The following DLG2 variants were observed in gnomAD, a reference collection of about 807,000 sequenced individuals.
DLG2 encodes discs large MAGUK scaffold protein 2, also known as disks large homolog 2.
DLG2 carries 45 observed loss-of-function variants against 132.5 expected under a neutral mutation model. That is an observed-to-expected ratio of 0.34 (90% confidence interval 0.27 to 0.44). The LOEUF is 0.44. DLG2 is among the 20% of genes least tolerant of loss of function. The probability of loss-of-function intolerance (pLI) is 1.00; values close to 1 mark genes in which losing one functional copy is unlikely to be tolerated. For missense variants in DLG2, 1,045 were observed against 1,196.9 expected, an observed-to-expected ratio of 0.87 and a Z score of 1.87; for synonymous variants, 424 against 419.6, an observed-to-expected ratio of 1.01 and a Z score of -0.13.
At chr11:85,228,527 TCA>T (rs2075108197) in intron 4 of DLG2, among the ~76,000 whole-genome samples, 1 of 152,094 alleles carries the variant, frequency 6.6e-6, no homozygotes, top group African/African-American at 2.4e-5. Flanking sequence ...CACCAAGGGT[TCA>T]AGATATCTGA....
chr11:84,078,511 T>G (rs2154152356), intron 10 of DLG2, among the ~76,000 whole-genome samples: 1 of 152,282 alleles, frequency 6.6e-6, no homozygotes, highest in East Asian at 1.9e-4. Flanking sequence ...ATAGCAGAAT[T>G]TAGGACGGTT....
chr11:84,617,655 C>T lies in DLG2; in HGVS notation c.358-82924G>A, dbSNP rs532090420. On this transcript the variant is annotated intron_variant, in intron 6 of 27. Coordinates refer to ENST00000376104, the MANE Select transcript of DLG2 (RefSeq NM_001142699.3). ...ATCCTCTCCAGCATCTGTTGCTTCC[C>T]TTTTTTTTATGTTTTCATTCATTCA... Among the ~76,000 whole-genome samples the T allele has an allele frequency of 6.6e-5, 10 of 151,930 alleles. No individual in the cohort carries two copies. The South Asian group carries it at 1.7e-3, about 25-fold the overall frequency.
chr11:85,494,536 C>CT (rs1466703500), intron 3 of DLG2, among the ~76,000 whole-genome samples: 1 of 151,508 alleles, frequency 6.6e-6, no homozygotes, highest in Non-Finnish European at 1.5e-5. Context: ...TTTGGAGTGG[C>CT]TTTTTTTTAA....
At chr11:85,022,073 A>G (rs2060123549) in intron 6 of DLG2, among the ~76,000 whole-genome samples, 1 of 152,086 alleles carries the variant, frequency 6.6e-6, no homozygotes, top group Non-Finnish European at 1.5e-5. Context: ...AAAATTAAAC[A>G]CTTAGTCATA....
intron 8 of DLG2, among the ~76,000 whole-genome samples, chr11:84,188,980 A>T (rs182974089): frequency 5.3e-5 from 8 of 152,322 alleles, no homozygotes; most frequent in African/African-American, 1.4e-4. Context: ...AATGAAGCCC[A>T]TTAACTAATA....
intron 3 of DLG2, among the ~76,000 whole-genome samples, chr11:85,399,594 T>C (rs1019973747): frequency 6.6e-6 from 1 of 152,016 alleles, no homozygotes. Flanking sequence ...TATAGATCAA[T>C]GGAATAGAAC....
chr11:83,525,726 G>A (rs539058305), intron 21 of DLG2, among the ~76,000 whole-genome samples: 2 of 152,210 alleles, frequency 1.3e-5, no homozygotes, highest in South Asian at 2.1e-4. Context: ...CTGGACATTT[G>A]AGATCTTTGC....
chr11:85,568,613 C>T (rs2077666658), intron 3 of DLG2, among the ~76,000 whole-genome samples: 1 of 152,014 alleles, frequency 6.6e-6, no homozygotes, highest in South Asian at 2.1e-4. Flanking sequence ...TCACTCTATC[C>T]AAATATTTCC....
At chr11:83,927,385 T>G (rs2079176964) in intron 15 of DLG2, among the ~76,000 whole-genome samples, 1 of 152,174 alleles carries the variant, frequency 6.6e-6, no homozygotes, top group East Asian at 1.9e-4. Flanking sequence ...GGGGCCTGAT[T>G]TTCTGTTTTA....
chr11:84,433,418 C>T (rs192694844), intron 7 of DLG2, among the ~76,000 whole-genome samples: 11 of 152,160 alleles, frequency 7.2e-5, no homozygotes, highest in Non-Finnish European at 1.3e-4. Flanking sequence ...TAAGTTGAAA[C>T]GTGACAACAG....
At position 84,361,173 on chromosome 11, in the gene DLG2, C is replaced by A. The variant is rs1225177408; in HGVS notation, c.520-109882G>T. On this transcript the variant is annotated intron_variant, in intron 7 of 27. Transcript: ENST00000376104. ...GAAAGTGGGAGGGAAAATAAAAACA[C>A]TATTTAAAGAAATAATGACCAATAG... is the stretch of plus-strand genomic sequence containing the variant. Among the ~76,000 whole-genome samples the A allele has an allele frequency of 2.0e-5, 3 of 151,824 alleles. No individual in the cohort carries two copies. The South Asian group carries it at 6.2e-4, about 31-fold the overall frequency.
chr11:84,466,005 A>C (rs1263808191), intron 7 of DLG2, among the ~76,000 whole-genome samples: 1 of 151,278 alleles, frequency 6.6e-6, no homozygotes, highest in Non-Finnish European at 1.5e-5. Flanking sequence ...TTGAATACAG[A>C]AATAAGGTTG....
intron 17 of DLG2, among the ~76,000 whole-genome samples, chr11:83,823,637 C>A (rs2051512021): frequency 6.7e-6 from 1 of 148,800 alleles, no homozygotes; most frequent in African/African-American, 2.6e-5. Context: ...GAGAAGTGGG[C>A]AAAGATGAGT....
intron 6 of DLG2, among the ~76,000 whole-genome samples, chr11:84,839,463 T>C (rs191468305): frequency 6.6e-6 from 1 of 152,058 alleles, no homozygotes; most frequent in Non-Finnish European, 1.5e-5. Context: ...AAGCTACCAA[T>C]GACTTTCTTC....
At chr11:83,669,111 A>C (rs1176641071) in intron 18 of DLG2, among the ~76,000 whole-genome samples, 1 of 151,930 alleles carries the variant, frequency 6.6e-6, no homozygotes, top group Non-Finnish European at 1.5e-5. Flanking sequence ...TATTCACTGA[A>C]CCCCTGCTAC....
intron 19 of DLG2, among the ~76,000 whole-genome samples, chr11:83,597,816 A>C (rs1408940409): frequency 7.1e-6 from 1 of 140,848 alleles, no homozygotes; most frequent in Admixed American, 7.1e-5. Context: ...CAAACAAACA[A>C]ACACAAAAAC....
chr11:84,219,360 T>C (rs2096883543), intron 8 of DLG2, among the ~76,000 whole-genome samples: 1 of 152,178 alleles, frequency 6.6e-6, no homozygotes, highest in Non-Finnish European at 1.5e-5. Context: ...TACGGGGAGA[T>C]TTTGAACTTG....
At chr11:85,289,272 C>A (rs931248696) in intron 3 of DLG2, among the ~76,000 whole-genome samples, 1 of 151,950 alleles carries the variant, frequency 6.6e-6, no homozygotes, top group African/African-American at 2.4e-5. Flanking sequence ...TCTTTTGCAC[C>A]CTCTTTCCTC....
intron 10 of DLG2, among the ~76,000 whole-genome samples, chr11:84,072,478 G>A (rs892461278): frequency 1.1e-4 from 16 of 152,188 alleles, no homozygotes; most frequent in Non-Finnish European, 1.9e-4. Flanking sequence ...GGTAATGCAG[G>A]AGTACATAAC....
Sources: allele counts gnomAD v4.1 joint callset (sites outside exome capture counted in the v4.1 genomes callset), GRCh38; gene constraint gnomAD v4.1.1; transcripts MANE v1.5; gene names NCBI Gene and HGNC (gene_info 2026-07-23, HGNC 2026-07-21).